PACRGL: variants seen among roughly 807,000 people sequenced by gnomAD.
PACRGL encodes the protein parkin coregulated like.
A neutral mutation model predicts 34.5 loss-of-function variants in PACRGL; 38 were observed. That is an observed-to-expected ratio of 1.10 (90% CI 0.85 to 1.44). PACRGL has a LOEUF of 1.44. Among genes scored for constraint, PACRGL ranks in the 40% most tolerant of loss-of-function variants. The probability of loss-of-function intolerance (pLI) is 0.00; values close to 1 mark genes in which losing one functional copy is unlikely to be tolerated. For missense variants in PACRGL, 305 were observed against 281.4 expected, an observed-to-expected ratio of 1.08 and a Z score of -0.60; for synonymous variants, 128 against 100.1, an observed-to-expected ratio of 1.28 and a Z score of -1.66.
Position 20,704,641 on chromosome 4 carries a change from A to T in PACRGL, c.53-19A>T, listed in dbSNP as rs1560289387. 2 of 1,613,870 alleles carry T rather than the reference A, an allele frequency of 1.2e-6. No individual in the cohort carries two copies. The highest frequency in any genetic ancestry group is 4.5e-5 in the East Asian group (2 of 44,864). On this transcript the variant is annotated intron_variant, in intron 2 of 8. Transcript: ENST00000503585. Reference sequence around the variant, plus strand: ...TATTGCTTGTACCTGGTTTCTATTGATGTTCTGTTTTTTTCCAGGTAACTA... The same window carrying T: ...TATTGCTTGTACCTGGTTTCTATTGTTGTTCTGTTTTTTTCCAGGTAACTA...
chr4:20,722,419 C>G (rs375797750), intron 7 of PACRGL, among the ~76,000 whole-genome samples: 3 of 152,220 alleles, frequency 2.0e-5, no homozygotes, highest in Non-Finnish European at 4.4e-5. Context: ...GCGTCACTCA[C>G]GCTGGGAGCT....
At chr4:20,713,823 A>G (rs1738500474) in intron 7 of PACRGL, among the ~76,000 whole-genome samples, 1 of 152,078 alleles carries the variant, frequency 6.6e-6, no homozygotes, top group Non-Finnish European at 1.5e-5. Flanking sequence ...GAGTTTCTTA[A>G]TCCTGAGTTC....
Position 20,731,302 on chromosome 4 carries a change from G to T in PACRGL, c.*3961G>T. 1 of 737,300 alleles carries T rather than the reference G, an allele frequency of 1.4e-6. No individual in the cohort carries two copies. Among genetic ancestry groups the T allele is most frequent in the Non-Finnish European group, 1.7e-6 (1 of 603,414 alleles). 45.7% of individuals were successfully genotyped at this position (737,300 alleles called of 1,614,324 possible). A position where few individuals can be genotyped will look rare whatever the true frequency, so the allele number is the denominator to read the frequency against. ...TTGCCCACATTGGACTCAAAATCCTGGCCTTAAGTTATCTTCCCGCCTCAG... is the reference window on the plus strand; with the variant it reads ...TTGCCCACATTGGACTCAAAATCCTTGCCTTAAGTTATCTTCCCGCCTCAG... On this transcript the variant is annotated 3_prime_UTR_variant, in exon 9 of 9. Coordinates refer to ENST00000503585, the MANE Select transcript of PACRGL (RefSeq NM_001258345.3).
chr4:20,759,285 C>A, the PACRGL span, among the ~76,000 whole-genome samples: 2 of 152,158 alleles, frequency 1.3e-5, no homozygotes, highest in African/African-American at 4.8e-5. Context: ...TCTGAACTCA[C>A]ATAATCTTCG....
At chr4:20,746,935 C>G (rs1752538497) in intron 8 of PACRGL, among the ~76,000 whole-genome samples, 1 of 152,134 alleles carries the variant, frequency 6.6e-6, no homozygotes. Context: ...CTAACCATTT[C>G]TATTTTCTAG....
At chr4:20,749,704 G>A in intron 8 of PACRGL, 1 of 1,609,180 alleles carries the variant, frequency 6.2e-7, no homozygotes, top group South Asian at 1.1e-5. Context: ...CAAATGCATT[G>A]AACAGAAAAT....
At chr4:20,718,217 AAGG>A (rs1741111816) in intron 7 of PACRGL, among the ~76,000 whole-genome samples, 1 of 152,168 alleles carries the variant, frequency 6.6e-6, no homozygotes, top group South Asian at 2.1e-4. Context: ...TTATCAGCTT[AAGG>A]AGATTTTGGG....
At chr4:20,718,324 C>CT (rs757987472) in intron 7 of PACRGL, among the ~76,000 whole-genome samples, 16 of 152,100 alleles carry the variant, frequency 1.1e-4, no homozygotes, top group Non-Finnish European at 1.6e-4. Flanking sequence ...CCCTTTATTT[C>CT]TTTCTCCTGC....
At position 20,741,718 on chromosome 4, in the gene PACRGL, G is replaced by T. The variant is rs367816272; in HGVS notation, c.*57-10847G>T. 2.7e-3 allele frequency among the ~76,000 whole-genome samples: 408 copies of T among 152,154 alleles called. 8 individuals carry two copies. The South Asian group carries it at 0.047, about 17-fold the overall frequency. The stretch of plus-strand genomic sequence containing the variant: ...AGCAGAAGGCAAGAAATAACTAAGA[G>T]CAGAGCAGAACTGAAGGAGACAGAG... On this transcript the variant is annotated intron_variant, in intron 8 of 8. Coordinates refer to the PACRGL transcript ENST00000507634.
chr4:20,731,862 G>A lies in PACRGL; in HGVS notation c.*4521G>A, dbSNP rs1210542975. ...GTAATTGGTGCTTGTTTTCAGAGTG[G>A]TAGGCTTATGCTGCATGTTGTAGAA... On this transcript the variant is annotated 3_prime_UTR_variant, in exon 9 of 9. Coordinates refer to ENST00000503585, the MANE Select transcript of PACRGL (RefSeq NM_001258345.3). 4.2e-6 allele frequency: 6 copies of A among 1,422,992 alleles called. No individual in the cohort carries two copies. Among genetic ancestry groups the A allele is most frequent in the Middle Eastern group, 2.6e-4 (1 of 3,778 alleles). The allele number at this position is 1,422,992 out of a possible 1,614,324, so 88.1% of individuals were successfully genotyped here.
chr4:20,724,712 C>G, intron 7 of PACRGL, 96 bp from the exon 8 acceptor site: 1 of 564,994 alleles, frequency 1.8e-6, no homozygotes, highest in South Asian at 6.0e-5. Context: ...GCCTTGAAAT[C>G]TAAAACAAGG....
At chr4:20,714,875 A>G (rs1207594257) in intron 7 of PACRGL, among the ~76,000 whole-genome samples, 1 of 152,198 alleles carries the variant, frequency 6.6e-6, no homozygotes, top group African/African-American at 2.4e-5. Context: ...GCGATTCCTC[A>G]GGGATCTAGA....
intron 8 of PACRGL, among the ~76,000 whole-genome samples, chr4:20,744,571 A>C (rs922579614): frequency 6.6e-6 from 1 of 151,934 alleles, no homozygotes; most frequent in Non-Finnish European, 1.5e-5. Flanking sequence ...GAAAAATGAG[A>C]ACACTTGGAC....
chr4:20,766,799 A>G, the PACRGL span: 7 of 152,280 alleles, frequency 4.6e-5, no homozygotes, highest in South Asian at 1.5e-3. Context: ...GTCAGGTACT[A>G]TTTAGAGGAA....
At chr4:20,726,509 C>G (rs1745713998) in intron 8 of PACRGL, among the ~76,000 whole-genome samples, 1 of 152,092 alleles carries the variant, frequency 6.6e-6, no homozygotes, top group African/African-American at 2.4e-5. Context: ...TATTATTGTG[C>G]TAATTTCTGT....
At chr4:20,715,122 A>G (rs1353592482) in intron 7 of PACRGL, among the ~76,000 whole-genome samples, 2 of 152,236 alleles carry the variant, frequency 1.3e-5, no homozygotes, top group African/African-American at 2.4e-5. Flanking sequence ...ATTCCTTTGT[A>G]GGGACATGGA....
At chr4:20,702,001 T>A (rs1732385199) in intron 1 of PACRGL, 4 of 445,874 alleles carry the variant, frequency 9.0e-6, no homozygotes, top group Non-Finnish European at 1.8e-5. Context: ...ATGCTGAAAA[T>A]TATATATTGT....
chr4:20,737,767 ATTAT>A (rs934799528), intron 8 of PACRGL, among the ~76,000 whole-genome samples: 3 of 152,198 alleles, frequency 2.0e-5, no homozygotes, highest in Non-Finnish European at 4.4e-5. Context: ...ATTTTAGAAA[ATTAT>A]TTATGACATA....
chr4:20,752,195 A>T lies in PACRGL; in HGVS notation c.*57-370A>T, dbSNP rs567204710. On this transcript the variant is annotated intron_variant, in intron 8 of 8. Coordinates refer to the PACRGL transcript ENST00000507634. ...TGCCTCAGCCTCCTGAGTAGCTGGG[A>T]TTACAGGCACCTGCCACCATGCCCG... Among the ~76,000 whole-genome samples the T allele has an allele frequency of 1.4e-3, 218 of 151,148 alleles. 1 individual carries two copies. The highest frequency in any genetic ancestry group is 2.5e-3 in the Non-Finnish European group (170 of 67,900).
Sources: allele counts gnomAD v4.1 joint callset (sites outside exome capture counted in the v4.1 genomes callset), GRCh38; gene constraint gnomAD v4.1.1; transcripts MANE v1.5; gene names NCBI Gene and HGNC (gene_info 2026-07-23, HGNC 2026-07-21).